DELE1: variants seen among roughly 807,000 people sequenced by gnomAD.
DELE1 encodes the protein DAP3 binding cell death enhancer 1, also known as death ligand signal enhancer.
DELE1 carries 54 observed loss-of-function variants against 59.3 expected under a neutral mutation model. The ratio of observed to expected loss-of-function variants is 0.91; its 90% CI spans 0.73 to 1.14. The LOEUF (loss-of-function observed/expected upper bound fraction) is 1.14. Ranked by LOEUF, DELE1 falls within the 50% of genes most tolerant of loss-of-function variation. The pLI, the probability that DELE1 is intolerant of heterozygous loss-of-function variation, is 0.00. For missense variants in DELE1, 636 were observed against 643.9 expected (o/e 0.99, Z 0.13); for synonymous variants, 264 against 259.1 (o/e 1.02, Z -0.18).
intron 4 of DELE1, among the ~76,000 whole-genome samples, chr5:141,929,066 G>A (rs1237886502): frequency 5.3e-5 from 8 of 152,174 alleles, no homozygotes; most frequent in Admixed American, 5.2e-4. Flanking sequence ...GATGCTTAGG[G>A]TGGGAGATCA....
chr5:141,938,617 T>A lies in DELE1; in HGVS notation c.1406T>A (p.Leu469Gln). The change falls in exon 12 of 12, where the codon CTA becomes CAA. Residue 469 changes from leucine to glutamine, a missense_variant. By Grantham distance (113) the Leu-to-Gln change is moderately radical (BLOSUM62 -2). Coordinates refer to ENST00000432126, the MANE Select transcript of DELE1 (RefSeq NM_014773.5). ...LNTLLAGTSR[L>Q]PHASSTGNLG... ...ACCCTGCTAGCAGGAACCTCACGCC[T>A]ACCACATGCCTCGAGCACAGGCAAC... The A allele has an allele frequency of 6.2e-7, 1 of 1,614,086 alleles. No individual in the cohort carries two copies. Among genetic ancestry groups the A allele is most frequent in the Non-Finnish European group, 8.5e-7 (1 of 1,180,004 alleles).
chr5:141,931,883 T>G lies in DELE1; in HGVS notation c.755-1376T>G, dbSNP rs1751941572. Among the ~76,000 whole-genome samples, 4 of 152,232 alleles carry G rather than the reference T, an allele frequency of 2.6e-5. No homozygotes were observed. In the South Asian group the frequency reaches 8.3e-4, roughly 31 times the overall value. ...CTTGCCCATCCCTTCATTCATATAT[T>G]CATTTATTCAGCAAGCGCTTGGCAT... On this transcript the variant is annotated intron_variant, in intron 7 of 11. Transcript: ENST00000432126.
chr5:141,935,762 C>T (rs990964700), intron 10 of DELE1, among the ~76,000 whole-genome samples: 4 of 152,202 alleles, frequency 2.6e-5, no homozygotes, highest in Admixed American at 6.5e-5. Context: ...ATCAGACCAG[C>T]GTGCTAGCAG....
intron 9 of DELE1, 34 bp from the exon 10 acceptor site, chr5:141,934,460 A>G: frequency 6.2e-7 from 1 of 1,614,180 alleles, no homozygotes; most frequent in Non-Finnish European, 8.5e-7. Context: ...GAAAGTGACC[A>G]AGATGCCTTC....
At chr5:141,929,954 T>A in intron 5 of DELE1, 35 bp from the exon 6 acceptor site, 3 of 1,599,812 alleles carry the variant, frequency 1.9e-6, no homozygotes, top group Non-Finnish European at 2.6e-6. Context: ...AACTTTCTCC[T>A]TTGCCCTGGC....
At chr5:141,924,017 C>T in intron 1 of DELE1, 45 bp downstream of exon 1, 2 of 1,595,732 alleles carry the variant, frequency 1.3e-6, no homozygotes, top group Non-Finnish European at 1.7e-6. Flanking sequence ...GCCGCAAAGA[C>T]CGAACTGGAG....
intron 3 of DELE1, among the ~76,000 whole-genome samples, chr5:141,927,448 C>T (rs1043770950): frequency 5.3e-5 from 8 of 152,218 alleles, no homozygotes; most frequent in Non-Finnish European, 1.0e-4. Flanking sequence ...CCTGCCTCAG[C>T]CTCCCAAGTG....
Position 141,929,599 on chromosome 5 carries a change from C to T in DELE1, c.430C>T (p.Leu144Phe), listed in dbSNP as rs767313892. The T allele has an allele frequency of 1.9e-6, 3 of 1,613,910 alleles. No individual in the cohort carries two copies. Among genetic ancestry groups the T allele is most frequent in the South Asian group, 2.2e-5 (2 of 91,072 alleles). Residue 144 changes from leucine (L) to phenylalanine (F), a missense_variant, in exon 5 of 12, where the codon CTC (leucine) becomes TTC (phenylalanine). By Grantham distance (22) the Leu-to-Phe change is conservative (BLOSUM62 0). Transcript: ENST00000432126. ...CTTTCCAGCACTGCGACAACACATC[C>T]TCCCCAGCCCCGATGGCCCAGCTCC... is the stretch of plus-strand genomic sequence containing the variant. ...HPCSSLRQHI[L>F]PSPDGPAPRH...
At position 141,934,332 on chromosome 5, in the gene DELE1, G is replaced by A. The variant is rs146883830; in HGVS notation, c.990G>A (p.Ser330=). The change falls in exon 9 of 12, where the codon TCG becomes TCA. Residue 330 remains serine (S), a synonymous_variant. Coordinates refer to ENST00000432126, the MANE Select transcript of DELE1 (RefSeq NM_014773.5). ...GCCTACTACGAGACCCAGCCTCTTC[G>A]TGGAACCCTGAGCGGCAGAGGGCAG... is the stretch of plus-strand genomic sequence containing the variant. ...ARCLLRDPAS[S]WNPERQRAVS... is the part of the protein sequence containing the mutation. 68 of 1,614,186 alleles carry A rather than the reference G, an allele frequency of 4.2e-5. 1 individual carries two copies. The highest frequency in any genetic ancestry group is 3.9e-4 in the African/African-American group (29 of 75,054).
In DELE1 at chr5:141,923,886, C is replaced by A. The variant is rs1261127161; in HGVS notation, c.-56C>A. On this transcript the variant is annotated 5_prime_UTR_variant, in exon 1 of 12. Coordinates refer to ENST00000432126, the MANE Select transcript of DELE1 (RefSeq NM_014773.5). ...TCGCGGCGGCCTTTCTAGCCGCTGT[C>A]CCAAGGGTTGGTCTCGCGCTTTCGG... is the stretch of plus-strand genomic sequence containing the variant. 3 of 1,568,012 alleles carry A rather than the reference C, an allele frequency of 1.9e-6. No individual in the cohort carries two copies. The highest frequency in any genetic ancestry group is 2.4e-5 in the East Asian group (1 of 42,168).
intron 7 of DELE1, among the ~76,000 whole-genome samples, chr5:141,930,797 A>G (rs931777115): frequency 9.9e-5 from 15 of 152,018 alleles, no homozygotes; most frequent in African/African-American, 3.6e-4. Context: ...CCCTTCCACC[A>G]TTTGCCCTGT....
rs929096543 is a variant in DELE1 at position 141,938,623 on chromosome 5, A to G, written c.1412A>G (p.His471Arg). Reference sequence around the variant, plus strand: ...CTAGCAGGAACCTCACGCCTACCACATGCCTCGAGCACAGGCAACCTTGGC... The same window carrying G: ...CTAGCAGGAACCTCACGCCTACCACGTGCCTCGAGCACAGGCAACCTTGGC... ...TLLAGTSRLP[H>R]ASSTGNLGLL... Residue 471 changes from histidine (H) to arginine (R), a missense_variant, in exon 12 of 12, where the codon CAT becomes CGT. By Grantham distance (29) the His-to-Arg change is conservative. Transcript: ENST00000432126. The G allele has an allele frequency of 1.9e-6, 3 of 1,613,926 alleles. No homozygotes were observed. Among genetic ancestry groups the G allele is most frequent in the African/African-American group, 1.3e-5 (1 of 74,970 alleles).
At position 141,930,161 on chromosome 5, in the gene DELE1, T is replaced by C. The variant is rs1471369031; in HGVS notation, c.658-17T>C. On this transcript the variant is annotated splice_polypyrimidine_tract_variant and intron_variant, in intron 6 of 11. Coordinates refer to ENST00000432126, the MANE Select transcript of DELE1 (RefSeq NM_014773.5). ...GGTAAACCATCCCTTGGTGAGTCTT[T>C]TATATTTCTTTCCCAGGAACAAGAT... The C allele has an allele frequency of 1.2e-6, 2 of 1,611,224 alleles. No individual in the cohort carries two copies. Among genetic ancestry groups the C allele is most frequent in the Admixed American group, 3.3e-5 (2 of 59,850 alleles).
At chr5:141,936,330 C>T (rs1045198007) in intron 10 of DELE1, among the ~76,000 whole-genome samples, 1 of 152,158 alleles carries the variant, frequency 6.6e-6, no homozygotes, top group Non-Finnish European at 1.5e-5. Flanking sequence ...AGCTGGACAC[C>T]CAGCCTCTAC....
Position 141,939,923 on chromosome 5 carries a change from G to T in DELE1, c.*1164G>T. On this transcript the variant is annotated 3_prime_UTR_variant, in exon 12 of 12. Transcript: ENST00000432126. ...GGTTGCATGACTTTATGAGTCGCTG[G>T]GCCAGGGTGAGGACCTGGGCCTCCT... The T allele has an allele frequency of 1.2e-6, 1 of 814,084 alleles. No individual in the cohort carries two copies. The highest frequency in any genetic ancestry group is 1.5e-6 in the Non-Finnish European group (1 of 674,040). 50.4% of individuals were successfully genotyped at this position (814,084 alleles called of 1,614,324 possible). A position where few individuals can be genotyped will look rare whatever the true frequency, so the allele number is the denominator to read the frequency against.
At position 141,934,508 on chromosome 5, in the gene DELE1, C is replaced by T. The variant is rs140242859; in HGVS notation, c.1071C>T (p.Leu357=). ...CTTGACCACAGGCCCAAGCTTTCCT[C>T]GGGGTGCTTTTCACCAAGGAGCCCT... The part of the protein sequence containing the change: ...DSGLREAQAF[L]GVLFTKEPYL... Residue 357 remains leucine, a synonymous_variant, in exon 10 of 12, where the codon CTC becomes CTT. Transcript: ENST00000432126. The T allele has an allele frequency of 2.2e-5, 35 of 1,614,126 alleles. No individual in the cohort carries two copies. The East Asian group carries it at 3.6e-4, about 16-fold the overall frequency.
rs573068917 is a variant in DELE1 at position 141,939,827 on chromosome 5, C to T, written c.*1068C>T. On this transcript the variant is annotated 3_prime_UTR_variant, in exon 12 of 12. Coordinates refer to ENST00000432126, the MANE Select transcript of DELE1 (RefSeq NM_014773.5). The stretch of plus-strand genomic sequence containing the variant: ...GTGTCTGCCCTCCTACCTTAGAAGA[C>T]AAATGCAAGGGCATTTCACCACAGA... The T allele has an allele frequency of 1.7e-6, 1 of 601,914 alleles. No homozygotes were observed. The highest frequency in any genetic ancestry group is 2.1e-6 in the Non-Finnish European group (1 of 479,758). The allele number at this position is 601,914 out of a possible 1,614,324, so 37.3% of individuals were successfully genotyped here.
chr5:141,936,176 C>G (rs1282681814), intron 10 of DELE1, among the ~76,000 whole-genome samples: 2 of 152,138 alleles, frequency 1.3e-5, no homozygotes, highest in Admixed American at 1.3e-4. Flanking sequence ...TTAATCCTTG[C>G]AACAACCTAA....
chr5:141,934,275 C>T lies in DELE1; in HGVS notation c.933C>T (p.Gly311=), dbSNP rs755746319. ...ATTATCAGTTGGCTGCCAGCCAGGG[C>T]CACAGCCTGGCTCAGTACCGCTATG... ...VLYYQLAASQ[G]HSLAQYRYAR... is the part of the protein sequence containing the mutation. Residue 311 remains glycine (G), a synonymous_variant, in exon 9 of 12, where the codon GGC becomes GGT. Transcript: ENST00000432126. 6.2e-7 allele frequency: 1 copy of T among 1,613,038 alleles called. No individual in the cohort carries two copies. Among genetic ancestry groups the T allele is most frequent in the South Asian group, 1.1e-5 (1 of 91,058 alleles).
Sources: allele counts gnomAD v4.1 joint callset (sites outside exome capture counted in the v4.1 genomes callset), GRCh38; gene constraint gnomAD v4.1.1; transcripts MANE v1.5; gene names NCBI Gene and HGNC (gene_info 2026-07-23, HGNC 2026-07-21).